SCN7A: variants seen among roughly 807,000 people sequenced by gnomAD.
The protein encoded by SCN7A is sodium voltage-gated channel alpha subunit 7.
SCN7A carries 138 observed loss-of-function variants against 155.2 expected under a neutral mutation model. That is an observed-to-expected ratio of 0.89 (90% CI 0.77 to 1.02). SCN7A has a LOEUF of 1.02. SCN7A is among the 50% of genes least tolerant of loss of function. SCN7A has a pLI of 0.00. For missense variants in SCN7A, 2,058 were observed against 1,986.6 expected (o/e 1.04, Z -0.68); for synonymous variants, 693 against 649.0 (o/e 1.07, Z -1.03).
chr2:166,414,070 TATATGTAAATA>T lies in SCN7A; in HGVS notation c.3415-960_3415-950del, dbSNP rs1701272448. Among the ~76,000 whole-genome samples, 3 of 43,542 alleles carry T rather than the reference TATATGTAAATA, an allele frequency of 6.9e-5. 1 individual carries two copies. Among genetic ancestry groups the T allele is most frequent in the South Asian group, 1.2e-3 (2 of 1,684 alleles). The allele number at this position is 43,542 out of a possible 152,430, so 28.6% of individuals were successfully genotyped here. A position where few individuals can be genotyped will look rare whatever the true frequency, so the allele number is the denominator to read the frequency against. Reference sequence around the variant, plus strand: ...TATGTAAATATATAAAAATATATTATATATGTAAATATATGTAAATATATATAATATATTAT... The same window carrying T: ...TATGTAAATATATAAAAATATATTATTATGTAAATATATATAATATATTAT... On this transcript the variant is annotated intron_variant, in intron 21 of 25. Transcript: ENST00000643258.
intron 7 of SCN7A, among the ~76,000 whole-genome samples, chr2:166,469,199 C>T (rs1349423487): frequency 6.6e-6 from 1 of 151,324 alleles, no homozygotes; most frequent in African/African-American, 2.4e-5. Flanking sequence ...TTCCATTTTT[C>T]AGTTCTACTG....
At chr2:166,424,317 G>A (rs1186841077) in intron 18 of SCN7A, among the ~76,000 whole-genome samples, 3 of 151,956 alleles carry the variant, frequency 2.0e-5, no homozygotes, top group Non-Finnish European at 2.9e-5. Context: ...ATGTTCAAAA[G>A]CCTCCACTTC....
intron 3 of SCN7A, 72 bp downstream of exon 3, chr2:166,477,391 C>G: frequency 4.1e-6 from 4 of 968,180 alleles, no homozygotes; most frequent in Non-Finnish European, 5.9e-6. Context: ...TATCCTATCT[C>G]AATTACATTT....
intron 18 of SCN7A, among the ~76,000 whole-genome samples, chr2:166,426,222 T>G (rs1429941792): frequency 6.6e-6 from 1 of 152,106 alleles, no homozygotes; most frequent in African/African-American, 2.4e-5. Context: ...CAGTAGAATC[T>G]GATGCAACAA....
chr2:166,453,561 C>A (rs1702217381), intron 11 of SCN7A, among the ~76,000 whole-genome samples: 1 of 152,146 alleles, frequency 6.6e-6, no homozygotes, highest in Non-Finnish European at 1.5e-5. Context: ...TTGGACCTCA[C>A]TACAACCCAT....
rs748633710 is a variant in SCN7A at position 166,412,639 on chromosome 2, T to C, written c.3497A>G (p.Asn1166Ser). 3 of 1,517,858 alleles carry C rather than the reference T, an allele frequency of 2.0e-6. No individual in the cohort carries two copies. Among genetic ancestry groups the C allele is most frequent in the Non-Finnish European group, 1.8e-6 (2 of 1,136,446 alleles). The allele number at this position is 1,517,858 out of a possible 1,614,324, so 94.0% of individuals were successfully genotyped here. ...GATAAAGTAACAATACATGTAGATG[T>C]TGACTTCAAAATGAGGCTGTATATT... ...AVNIQPHFEV[N>S]IYMYCYFINF... Residue 1166 changes from asparagine (N) to serine (S), a missense_variant, in exon 23 of 26, where the codon AAC (asparagine) becomes AGC (serine). By Grantham distance (46) the Asn-to-Ser change is conservative. Coordinates refer to ENST00000643258, the MANE Select transcript of SCN7A (RefSeq NM_002976.4).
In SCN7A at chr2:166,443,594, T is replaced by C. The variant is rs750759559; in HGVS notation, c.1709A>G (p.Asn570Ser). 3 of 1,583,210 alleles carry C rather than the reference T, an allele frequency of 1.9e-6. No homozygotes were observed. The South Asian group carries it at 3.5e-5, about 18-fold the overall frequency. The change falls in exon 14 of 26, where the codon AAC becomes AGC. Residue 570 changes from asparagine to serine, a missense_variant. Asn to Ser is a conservative substitution (Grantham distance 46, BLOSUM62 1). Transcript: ENST00000643258. ...GAACACTATCATGCTATCAAAAATG[T>C]TCCAACCTACTTGGAAATACCCATA... ...HPYGYFQVGW[N>S]IFDSMIVFHG...
chr2:166,456,388 G>A (rs1231106083), intron 11 of SCN7A, among the ~76,000 whole-genome samples: 2 of 151,248 alleles, frequency 1.3e-5, no homozygotes, highest in African/African-American at 2.4e-5. Context: ...CTCTAATAAA[G>A]CAACTATTTA....
At chr2:166,442,866 G>A (rs1414036046) in intron 14 of SCN7A, among the ~76,000 whole-genome samples, 4 of 152,140 alleles carry the variant, frequency 2.6e-5, no homozygotes, top group Non-Finnish European at 5.9e-5. Flanking sequence ...TCTAAGACAG[G>A]ATTCTGAATG....
chr2:166,434,822 T>C lies in SCN7A; in HGVS notation c.2158-2070A>G, dbSNP rs572422511. The stretch of plus-strand genomic sequence containing the variant: ...GTGTGTTTCATGACTGTAAGCTTCA[T>C]ATGAACAAAAACCATGTTTTCTCTT... On this transcript the variant is annotated intron_variant, in intron 15 of 25. Transcript: ENST00000643258. Among the ~76,000 whole-genome samples the C allele has an allele frequency of 7.9e-5, 12 of 152,258 alleles. 1 individual carries two copies. In the South Asian group the frequency reaches 1.9e-3, roughly 24 times the overall value.
chr2:166,436,409 G>T, intron 15 of SCN7A: 1 of 441,330 alleles, frequency 2.3e-6, no homozygotes, highest in Non-Finnish European at 4.5e-6. Context: ...CTCTTCCACC[G>T]TGATTGTAAG....
At chr2:166,415,757 T>C (rs923460359) in intron 21 of SCN7A, among the ~76,000 whole-genome samples, 4 of 152,310 alleles carry the variant, frequency 2.6e-5, no homozygotes, top group African/African-American at 9.6e-5. Flanking sequence ...ACCACTGTGA[T>C]AATTGTGTTA....
At chr2:166,418,139 AT>A (rs1559091992) in intron 20 of SCN7A, among the ~76,000 whole-genome samples, 1 of 149,510 alleles carries the variant, frequency 6.7e-6, no homozygotes, top group Non-Finnish European at 1.5e-5. Flanking sequence ...TATTTTATTT[AT>A]TTATTTTATT....
intron 13 of SCN7A, among the ~76,000 whole-genome samples, chr2:166,444,171 C>T (rs1332126512): frequency 6.6e-6 from 1 of 152,060 alleles, no homozygotes; most frequent in African/African-American, 2.4e-5. Context: ...TAAACAACAA[C>T]AATGGTGAAA....
intron 20 of SCN7A, among the ~76,000 whole-genome samples, chr2:166,419,599 T>C (rs1365678290): frequency 1.3e-5 from 2 of 152,064 alleles, no homozygotes; most frequent in Non-Finnish European, 2.9e-5. Flanking sequence ...ACTCCTGAGC[T>C]CAAGCAATCT....
rs181550426 is a variant in SCN7A at position 166,411,689 on chromosome 2, C to A, written c.3606+841G>T. Among the ~76,000 whole-genome samples, 8 of 152,056 alleles carry A rather than the reference C, an allele frequency of 5.3e-5. No homozygotes were observed. The East Asian group carries it at 1.6e-3, about 30-fold the overall frequency. ...TGATAAGTCTTAGTCATGGAAAAGG[C>A]ATCTTAACGTGAACAGAAACGTTCT... On this transcript the variant is annotated intron_variant, in intron 23 of 25. Coordinates refer to ENST00000643258, the MANE Select transcript of SCN7A (RefSeq NM_002976.4).
intron 11 of SCN7A, among the ~76,000 whole-genome samples, chr2:166,451,633 C>A (rs918693987): frequency 1.3e-5 from 2 of 152,158 alleles, no homozygotes; most frequent in African/African-American, 4.8e-5. Context: ...GCCATGCTGG[C>A]CTTTTTACTT....
chr2:166,467,177 G>C (rs1170681638), intron 7 of SCN7A, among the ~76,000 whole-genome samples: 3 of 151,446 alleles, frequency 2.0e-5, no homozygotes, highest in Non-Finnish European at 4.4e-5. Context: ...CATAGTTTTC[G>C]AGAGATGTTG....
chr2:166,436,126 G>A (rs771876434), intron 15 of SCN7A, among the ~76,000 whole-genome samples: 10 of 152,142 alleles, frequency 6.6e-5, no homozygotes, highest in Non-Finnish European at 1.2e-4. Flanking sequence ...AAGAGGCTGC[G>A]TAATATGCAC....
Sources: allele counts gnomAD v4.1 joint callset (sites outside exome capture counted in the v4.1 genomes callset), GRCh38; gene constraint gnomAD v4.1.1; transcripts MANE v1.5; gene names NCBI Gene and HGNC (gene_info 2026-07-23, HGNC 2026-07-21).